Variants in PIWIL2 observed in about 807,000 individuals in gnomAD.
PIWIL2 encodes piwi-like protein 2.
Under a neutral mutation model 116.5 loss-of-function variants are expected in PIWIL2, and 81 were observed. That is an observed-to-expected ratio of 0.70 (90% CI 0.58 to 0.84). PIWIL2 has a LOEUF of 0.84. Among genes scored for constraint, PIWIL2 ranks in the 40% least tolerant of loss-of-function variants. PIWIL2 has a pLI of 0.00. For synonymous variants in PIWIL2, 489 were observed against 429.5 expected (o/e 1.14, Z -1.71); for missense variants, 1,272 against 1,212.3 (o/e 1.05, Z -0.73).
At position 22,297,715 on chromosome 8, in the gene PIWIL2, C is replaced by T. The variant is rs561250727; in HGVS notation, c.1182-6306C>T. Among the ~76,000 whole-genome samples, 17 of 152,074 alleles carry T rather than the reference C, an allele frequency of 1.1e-4. No homozygotes were observed. In the East Asian group the frequency reaches 2.5e-3, roughly 23 times the overall value. ...GGAATTTATAGTCTAGGAGAAGGATCGGGGTCAGTGGATGAAAAATTACTG... is the reference window on the plus strand; with the variant it reads ...GGAATTTATAGTCTAGGAGAAGGATTGGGGTCAGTGGATGAAAAATTACTG... On this transcript the variant is annotated intron_variant, in intron 10 of 22. Transcript: ENST00000356766.
chr8:22,345,245 T>C (rs1481095392), intron 20 of PIWIL2, among the ~76,000 whole-genome samples: 1 of 152,174 alleles, frequency 6.6e-6, no homozygotes, highest in African/African-American at 2.4e-5. Context: ...ATTCTAGTCC[T>C]AGGTATGTAC....
rs1485231892 is a variant in PIWIL2 at position 22,279,430 on chromosome 8, A to G, written c.44A>G (p.His15Arg). Residue 15 changes from histidine to arginine, a missense_variant, in exon 2 of 23, where the codon CAC becomes CGC. Physicochemically the swap from His to Arg is conservative, Grantham distance 29. Coordinates refer to ENST00000356766, the MANE Select transcript of PIWIL2 (RefSeq NM_018068.5). ...TCGTTCAGGGGCCAGTCTCCTATCC[A>G]CCCATCCCAGTGCCAGGCTGTACGG... is the stretch of plus-strand genomic sequence containing the variant. ...RPSFRGQSPI[H>R]PSQCQAVRMP... The G allele has an allele frequency of 4.3e-6, 7 of 1,614,074 alleles. No individual in the cohort carries two copies. Among genetic ancestry groups the G allele is most frequent in the South Asian group, 1.1e-5 (1 of 91,076 alleles).
Position 22,283,186 on chromosome 8 carries a change from C to A in PIWIL2, c.578C>A (p.Ser193Tyr). The A allele has an allele frequency of 6.2e-7, 1 of 1,614,134 alleles. No individual in the cohort carries two copies. Among genetic ancestry groups the A allele is most frequent in the South Asian group, 1.1e-5 (1 of 91,082 alleles). ...QLSSPPALPQSPLHSPDRPLV... is the reference protein window; with the variant it reads ...QLSSPPALPQYPLHSPDRPLV... Reference sequence around the variant, plus strand: ...TCATCACCACCAGCTCTGCCCCAGTCTCCCCTGCACTCTCCAGATCGCCCT... The same window carrying A: ...TCATCACCACCAGCTCTGCCCCAGTATCCCCTGCACTCTCCAGATCGCCCT... The change falls in exon 5 of 23, where the codon TCT becomes TAT. Residue 193 changes from serine (S) to tyrosine (Y), a missense_variant. Transcript: ENST00000356766.
At chr8:22,341,695 C>A (rs1385236061) in intron 20 of PIWIL2, among the ~76,000 whole-genome samples, 1 of 151,806 alleles carries the variant, frequency 6.6e-6, no homozygotes, top group African/African-American at 2.4e-5. Context: ...CTAACATACT[C>A]GTGAAAAACT....
rs373116342 is a variant in PIWIL2 at position 22,283,209 on chromosome 8, C to G, written c.601C>G (p.Pro201Ala). The G allele has an allele frequency of 6.2e-7, 1 of 1,613,922 alleles. No individual in the cohort carries two copies. Among genetic ancestry groups the G allele is most frequent in the Non-Finnish European group, 8.5e-7 (1 of 1,179,974 alleles). ...GTCTCCCCTGCACTCTCCAGATCGC[C>G]CTCTGGTCCTGACTGTGGAACACAA... ...PQSPLHSPDR[P>A]LVLTVEHKEK... is the part of the protein sequence containing the mutation. Residue 201 changes from proline (P) to alanine (A), a missense_variant, in exon 5 of 23, where the codon CCT (proline) becomes GCT (alanine). Pro to Ala is a conservative substitution (Grantham distance 27). Coordinates refer to ENST00000356766, the MANE Select transcript of PIWIL2 (RefSeq NM_018068.5).
At chr8:22,281,632 TAAAG>T (rs1188435419) in intron 4 of PIWIL2, 117 bp downstream of exon 4, 5 of 831,848 alleles carry the variant, frequency 6.0e-6, no homozygotes, top group Non-Finnish European at 8.9e-6. Flanking sequence ...GGTTTTATAT[TAAAG>T]AATGCATATT....
rs757261552 is a variant in PIWIL2, at chr8:22,355,450, A to G, written c.2867A>G (p.His956Arg). Residue 956 changes from histidine to arginine, a missense_variant, in exon 23 of 23, where the codon CAC (histidine) becomes CGC (arginine). Coordinates refer to ENST00000356766, the MANE Select transcript of PIWIL2 (RefSeq NM_018068.5). ...CACAAGCTAGCTTTCCTGTCAGGAC[A>G]CATCTTGCATCATGAACCAGCCATC... is the stretch of plus-strand genomic sequence containing the variant. ...YAHKLAFLSG[H>R]ILHHEPAIQL... 3.1e-6 allele frequency: 5 copies of G among 1,614,162 alleles called. No homozygotes were observed. Among genetic ancestry groups the G allele is most frequent in the Non-Finnish European group, 2.5e-6 (3 of 1,179,994 alleles).
chr8:22,276,852 A>G (rs1830385324), intron 1 of PIWIL2, among the ~76,000 whole-genome samples: 1 of 152,022 alleles, frequency 6.6e-6, no homozygotes, highest in Non-Finnish European at 1.5e-5. Context: ...GCAGTGAGCT[A>G]AGATGCCACC....
chr8:22,338,435 A>T (rs1266285006), intron 20 of PIWIL2, among the ~76,000 whole-genome samples: 1 of 152,180 alleles, frequency 6.6e-6, no homozygotes, highest in Non-Finnish European at 1.5e-5. Context: ...TCACGCCTGT[A>T]ATCTTAGCAC....
intron 20 of PIWIL2, among the ~76,000 whole-genome samples, chr8:22,348,122 G>C (rs1470723020): frequency 6.6e-6 from 1 of 151,834 alleles, no homozygotes; most frequent in Admixed American, 6.6e-5. Flanking sequence ...GCAACATGGC[G>C]AAACCCCATC....
intron 10 of PIWIL2, among the ~76,000 whole-genome samples, chr8:22,296,000 C>G (rs866444105): frequency 7.3e-6 from 1 of 136,070 alleles, no homozygotes; most frequent in Non-Finnish European, 1.6e-5. Flanking sequence ...CCATCACTGT[C>G]TTGGGGTTCC....
chr8:22,340,187 G>A (rs775232095), intron 20 of PIWIL2, among the ~76,000 whole-genome samples: 2 of 150,420 alleles, frequency 1.3e-5, no homozygotes, highest in Admixed American at 1.3e-4. Flanking sequence ...CAAGTAGCTG[G>A]GATTACAGAC....
chr8:22,349,447 ATTTTAC>A (rs1832307145), intron 20 of PIWIL2, among the ~76,000 whole-genome samples: 1 of 147,384 alleles, frequency 6.8e-6, no homozygotes, highest in African/African-American at 2.5e-5. Context: ...ATATATATAA[ATTTTAC>A]TTTATCCCTT....
chr8:22,355,959 G>C lies in PIWIL2; in HGVS notation c.*454G>C, dbSNP rs2132119768. 6.1e-6 allele frequency: 1 copy of C among 162,982 alleles called. No homozygotes were observed. The highest frequency in any genetic ancestry group is 1.4e-5 in the Non-Finnish European group (1 of 73,856). 10.1% of individuals were successfully genotyped at this position (162,982 alleles called of 1,614,324 possible). ...GTGGCGGTGCACGCCTGTAGTCCCAGCTACTCAGGAGGCTAAGGCAGGAGA... is the reference window on the plus strand; with the variant it reads ...GTGGCGGTGCACGCCTGTAGTCCCACCTACTCAGGAGGCTAAGGCAGGAGA... On this transcript the variant is annotated 3_prime_UTR_variant, in exon 23 of 23. Transcript: ENST00000356766.
chr8:22,349,419 G>GTGTATATA (rs1554506729), intron 20 of PIWIL2, among the ~76,000 whole-genome samples: 48 of 134,444 alleles, frequency 3.6e-4, no homozygotes, highest in African/African-American at 1.3e-3. Context: ...ATGTGTGTGT[G>GTGTATATA]TATATATATA....
intron 10 of PIWIL2, 141 bp downstream of exon 10, chr8:22,290,487 G>A (rs914443712): frequency 5.4e-5 from 31 of 574,664 alleles, no homozygotes; most frequent in Middle Eastern, 4.0e-4. Flanking sequence ...TGTCACCCTG[G>A]CTGGAGTACA....
chr8:22,300,991 CT>C (rs34602907), intron 10 of PIWIL2, among the ~76,000 whole-genome samples: 81,913 of 149,664 alleles, frequency 0.55, 23,271 homozygotes, highest in East Asian at 0.86. Context: ...TTAAAGGTGA[CT>C]TTTTTTTTTT....
intron 6 of PIWIL2, among the ~76,000 whole-genome samples, chr8:22,286,627 A>T (rs376879408): frequency 9.5e-4 from 145 of 152,098 alleles, no homozygotes; most frequent in African/African-American, 3.3e-3. Flanking sequence ...AATTTTATTT[A>T]TTTATTTATT....
rs115078283 is a variant in PIWIL2, at chr8:22,297,730, A to G, written c.1182-6291A>G. Among the ~76,000 whole-genome samples the G allele has an allele frequency of 1.5e-3, 222 of 152,280 alleles. 1 individual carries two copies. Among genetic ancestry groups the G allele is most frequent in the African/African-American group, 5.1e-3 (212 of 41,546 alleles). On this transcript the variant is annotated intron_variant, in intron 10 of 22. Coordinates refer to ENST00000356766, the MANE Select transcript of PIWIL2 (RefSeq NM_018068.5). ...GGAGAAGGATCGGGGTCAGTGGATG[A>G]AAAATTACTGATAGGAACCATTTGG...
Sources: gnomAD v4.1 joint callset for allele counts (sites outside exome capture counted in the v4.1 genomes callset) on GRCh38, gnomAD v4.1.1 for gene constraint, MANE v1.5 for transcripts, NCBI Gene and HGNC (gene_info 2026-07-23, HGNC 2026-07-21) for gene names.